Variants in ENTREP1 observed in about 807,000 individuals in gnomAD.
ENTREP1 encodes the protein Friedreich ataxia region gene X123.
chr9:69,355,245 A>C, the ENTREP1 span, among the ~76,000 whole-genome samples: 2 of 152,206 alleles, frequency 1.3e-5, no homozygotes, highest in Non-Finnish European at 1.5e-5. Context: ...ATCAATGGAA[A>C]GTTATTTGGA....
At chr9:69,386,033 C>T in the ENTREP1 span, 7 of 1,265,872 alleles carry the variant, frequency 5.5e-6, no homozygotes, top group Non-Finnish European at 7.3e-6. Flanking sequence ...CTGGCCAGCT[C>T]AGGACCCTGC....
At chr9:69,382,087 T>G in the ENTREP1 span, 1 of 152,264 alleles carries the variant, frequency 6.6e-6, no homozygotes, top group Admixed American at 6.5e-5. Context: ...AGAGAAAAAG[T>G]CAAGTGTTTA....
the ENTREP1 span, chr9:69,381,255 C>T: frequency 2.0e-5 from 3 of 152,210 alleles, no homozygotes; most frequent in Non-Finnish European, 4.4e-5. Flanking sequence ...AGTCTCTCAC[C>T]ATTTCTGAGC....
the ENTREP1 span, chr9:69,388,166 G>A: frequency 6.2e-7 from 1 of 1,614,180 alleles, no homozygotes. Context: ...AGCTGCCCCA[G>A]TGCTCAGCTG....
the ENTREP1 span, among the ~76,000 whole-genome samples, chr9:69,361,831 A>G: frequency 6.6e-6 from 1 of 151,934 alleles, no homozygotes; most frequent in African/African-American, 2.4e-5. Flanking sequence ...GGCTTTCTTC[A>G]TTGCTTTTGT....
chr9:69,383,371 G>A, the ENTREP1 span: 1 of 1,261,540 alleles, frequency 7.9e-7, no homozygotes, highest in Non-Finnish European at 1.0e-6. Flanking sequence ...GTGTCTCTAT[G>A]GATTGTTTGC....
At chr9:69,344,065 A>G in the ENTREP1 span, among the ~76,000 whole-genome samples, 1 of 152,236 alleles carries the variant, frequency 6.6e-6, no homozygotes, top group African/African-American at 2.4e-5. Context: ...TGCTAAAGGA[A>G]GCCCTCTGAC....
the ENTREP1 span, among the ~76,000 whole-genome samples, chr9:69,358,046 G>A: frequency 6.6e-6 from 1 of 152,184 alleles, no homozygotes; most frequent in Non-Finnish European, 1.5e-5. Flanking sequence ...TGGCTCTGAG[G>A]ACATACGTGT....
At chr9:69,383,958 C>T in the ENTREP1 span, 1 of 1,613,708 alleles carries the variant, frequency 6.2e-7, no homozygotes, top group Non-Finnish European at 8.5e-7. Context: ...GATCTTCATT[C>T]CAAATGTCAG....
chr9:69,387,638 G>A, the ENTREP1 span: 93,768 of 255,854 alleles, frequency 0.37, 19,202 homozygotes, highest in South Asian at 0.43. Flanking sequence ...TGTGAGCATC[G>A]ATAACACAAG....
At chr9:69,359,970 CT>C in the ENTREP1 span, among the ~76,000 whole-genome samples, 2,039 of 128,388 alleles carry the variant, frequency 0.016, 22 homozygotes, top group African/African-American at 0.04. Context: ...TCTTATTTTG[CT>C]TTTTTTTTTT....
At chr9:69,348,303 A>C in the ENTREP1 span, among the ~76,000 whole-genome samples, 1 of 151,980 alleles carries the variant, frequency 6.6e-6, no homozygotes, top group African/African-American at 2.4e-5. Flanking sequence ...AATTTTTTGT[A>C]GAGACAGGGT....
chr9:69,366,402 C>A, the ENTREP1 span, among the ~76,000 whole-genome samples: 1 of 47,682 alleles, frequency 2.1e-5, no homozygotes, highest in Admixed American at 1.7e-4. Flanking sequence ...TTTTTTTTTG[C>A]CATTGAGTTG....
chr9:69,332,591 A>G, the ENTREP1 span, among the ~76,000 whole-genome samples: 1 of 152,214 alleles, frequency 6.6e-6, no homozygotes, highest in Non-Finnish European at 1.5e-5. Context: ...ATTTGTACAT[A>G]TATACATTTT....
chr9:69,331,280 T>C, the ENTREP1 span, among the ~76,000 whole-genome samples: 1 of 152,230 alleles, frequency 6.6e-6, no homozygotes, highest in Non-Finnish European at 1.5e-5. Flanking sequence ...ATTTTTGCCC[T>C]AATACAAGTT....
At chr9:69,391,558 T>G in the ENTREP1 span, 4 of 1,570,034 alleles carry the variant, frequency 2.5e-6, no homozygotes, top group East Asian at 9.0e-5. Flanking sequence ...CCACATCTGG[T>G]AAAGCTTACT....
chr9:69,376,925 T>C, the ENTREP1 span, among the ~76,000 whole-genome samples: 3 of 152,176 alleles, frequency 2.0e-5, no homozygotes, highest in African/African-American at 7.2e-5. Flanking sequence ...AGCCAATTGC[T>C]CTTGAAATAG....
the ENTREP1 span, among the ~76,000 whole-genome samples, chr9:69,340,946 T>C: frequency 6.6e-6 from 1 of 152,186 alleles, no homozygotes; most frequent in African/African-American, 2.4e-5. Flanking sequence ...TGTAAGTGTT[T>C]ACAAATGATG....
the ENTREP1 span, among the ~76,000 whole-genome samples, chr9:69,362,684 A>G: frequency 7.9e-5 from 12 of 152,294 alleles, no homozygotes; most frequent in East Asian, 1.9e-3. Flanking sequence ...GGGTGTTGCC[A>G]AAGGAGATTA....
Sources: gnomAD v4.1 joint callset for allele counts (sites outside exome capture counted in the v4.1 genomes callset) on GRCh38, gnomAD v4.1.1 for gene constraint, MANE v1.5 for transcripts, NCBI Gene and HGNC (gene_info 2026-07-23, HGNC 2026-07-21) for gene names.